The following IBTK variants were observed in gnomAD, a reference collection of about 807,000 sequenced individuals.
IBTK encodes the protein BTK-binding protein.
A neutral mutation model predicts 154.9 loss-of-function variants in IBTK; 83 were observed. The ratio of observed to expected loss-of-function variants is 0.54; its 90% CI spans 0.45 to 0.64. IBTK has a LOEUF of 0.64. Among genes scored for constraint, IBTK ranks in the 30% least tolerant of loss-of-function variants. IBTK has a pLI of 0.00. For missense variants in IBTK, 1,332 were observed against 1,584.6 expected, an observed-to-expected ratio of 0.84 and a Z score of 2.71; for synonymous variants, 515 against 536.1, an observed-to-expected ratio of 0.96 and a Z score of 0.54.
At chr6:82,204,634 C>A (rs6926938) in intron 17 of IBTK, among the ~76,000 whole-genome samples, 111,913 of 151,996 alleles carry the variant, frequency 0.74, 41,726 homozygotes, top group East Asian at 0.96. Flanking sequence ...CATTTCAATA[C>A]AAATATTACA....
chr6:82,204,758 TG>T, intron 17 of IBTK, 98 bp downstream of exon 17: 1 of 573,070 alleles, frequency 1.7e-6, no homozygotes, highest in Non-Finnish European at 2.8e-6. Context: ...ACCAAAAAAA[TG>T]GTCTATTTTA....
intron 16 of IBTK, among the ~76,000 whole-genome samples, chr6:82,206,300 G>C (rs1769410386): frequency 6.6e-6 from 1 of 152,136 alleles, no homozygotes; most frequent in Non-Finnish European, 1.5e-5. Flanking sequence ...CTGTCTGCTA[G>C]TTCTCTGAAA....
At chr6:82,195,157 G>A (rs1401993693) in intron 22 of IBTK, among the ~76,000 whole-genome samples, 1 of 152,116 alleles carries the variant, frequency 6.6e-6, no homozygotes, top group Non-Finnish European at 1.5e-5. Context: ...TTCCAGGATA[G>A]ATTCTTCTGT....
chr6:82,227,044 A>AT (rs1770324493), intron 5 of IBTK, 148 bp downstream of exon 5: 1 of 533,976 alleles, frequency 1.9e-6, no homozygotes, highest in African/African-American at 2.0e-5. Context: ...TAAACATGAT[A>AT]TATCAGGAAA....
At chr6:82,227,420 T>C (rs1485946662) in intron 4 of IBTK, 118 bp from the exon 5 acceptor site, 5 of 486,240 alleles carry the variant, frequency 1.0e-5, no homozygotes, top group African/African-American at 1.0e-4. Context: ...AAGGGGAATT[T>C]ATAAGACTTT....
Position 82,170,493 on chromosome 6 carries a change from C to G in IBTK, c.*932G>C, listed in dbSNP as rs1271799966. 1.3e-5 allele frequency: 2 copies of G among 152,162 alleles called. No homozygotes were observed. Among genetic ancestry groups the G allele is most frequent in the Non-Finnish European group, 2.9e-5 (2 of 68,020 alleles). 9.4% of individuals were successfully genotyped at this position (152,162 alleles called of 1,614,324 possible). A position where few individuals can be genotyped will look rare whatever the true frequency, so the allele number is the denominator to read the frequency against. On this transcript the variant is annotated 3_prime_UTR_variant, in exon 29 of 29. Coordinates refer to ENST00000306270, the MANE Select transcript of IBTK (RefSeq NM_015525.4). ...AAACACTCAGAAACAAACCAAACAA[C>G]ATCCTATACAGAAAACAATTTTTAT...
chr6:82,191,242 G>C, intron 24 of IBTK, 26 bp from the exon 25 acceptor site: 2 of 1,578,778 alleles, frequency 1.3e-6, no homozygotes, highest in Non-Finnish European at 1.7e-6. Context: ...ATTAGTTTCA[G>C]TGGTTTCTTC....
In IBTK at chr6:82,231,696, A is replaced by G. The variant is rs369041338; in HGVS notation, c.543+22T>C. On this transcript the variant is annotated intron_variant, in intron 4 of 28. Coordinates refer to ENST00000306270, the MANE Select transcript of IBTK (RefSeq NM_015525.4). ...AGTTCTTTCTCATCTCTAAAAGTAT[A>G]TAGATTGTACTTCAAAAATACCTGC... The G allele has an allele frequency of 2.9e-5, 45 of 1,570,998 alleles. No individual in the cohort carries two copies. The Middle Eastern group carries it at 8.5e-4, about 30-fold the overall frequency.
chr6:82,232,052 T>C (rs1770525984), intron 3 of IBTK, among the ~76,000 whole-genome samples: 1 of 125,968 alleles, frequency 7.9e-6, no homozygotes, highest in African/African-American at 3.1e-5. Flanking sequence ...CTTCTTTTTT[T>C]TTTGTTGTTG....
At chr6:82,214,185 A>G (rs373458601) in intron 12 of IBTK, 42 bp downstream of exon 12, 138 of 1,530,782 alleles carry the variant, frequency 9.0e-5, no homozygotes, top group Non-Finnish European at 1.2e-4. Flanking sequence ...TTAAAGGAGG[A>G]CTGAATGAGG....
intron 23 of IBTK, among the ~76,000 whole-genome samples, chr6:82,192,576 G>A (rs1424202057): frequency 1.3e-5 from 2 of 151,106 alleles, no homozygotes; most frequent in African/African-American, 2.4e-5. Context: ...GTGGAATCCC[G>A]TCACTACTAA....
chr6:82,246,967 A>G (rs898699018), intron 1 of IBTK, among the ~76,000 whole-genome samples: 7 of 152,196 alleles, frequency 4.6e-5, no homozygotes, highest in Non-Finnish European at 1.0e-4. Context: ...AGGACGGCCT[A>G]TGTTACCTAA....
At chr6:82,219,090 T>C (rs1769976519) in intron 9 of IBTK, among the ~76,000 whole-genome samples, 1 of 152,080 alleles carries the variant, frequency 6.6e-6, no homozygotes, top group Admixed American at 6.6e-5. Flanking sequence ...TTCCTTCCAC[T>C]AGTACAAACT....
In IBTK at chr6:82,194,641, G is replaced by A. The variant is rs191661846; in HGVS notation, c.3176C>T (p.Ala1059Val). 7.6e-5 allele frequency: 119 copies of A among 1,561,722 alleles called. No individual in the cohort carries two copies. Among genetic ancestry groups the A allele is most frequent in the Middle Eastern group, 3.4e-4 (2 of 5,824 alleles). Reference protein sequence around the residue: ...TTGFHSDKIEAKVKPYVNGTS... With the variant: ...TTGFHSDKIEVKVKPYVNGTS... Reference sequence around the variant, plus strand: ...ACCATTAACATACGGTTTGACTTTCGCCTGGGGAGAGAAAAAAAATAAAAA... The same window carrying A: ...ACCATTAACATACGGTTTGACTTTCACCTGGGGAGAGAAAAAAAATAAAAA... Residue 1059 changes from alanine to valine, a missense_variant and splice_region_variant, in exon 23 of 29, where the codon GCG becomes GTG. By Grantham distance (64) the Ala-to-Val change is moderately conservative (BLOSUM62 0). Transcript: ENST00000306270.
intron 25 of IBTK, among the ~76,000 whole-genome samples, chr6:82,185,139 C>A (rs531647215): frequency 6.9e-6 from 1 of 144,244 alleles, no homozygotes; most frequent in South Asian, 2.2e-4. Flanking sequence ...GCCAAGATTG[C>A]GCCACGGCAC....
intron 3 of IBTK, among the ~76,000 whole-genome samples, chr6:82,233,400 A>C (rs769056782): frequency 6.6e-6 from 1 of 152,132 alleles, no homozygotes; most frequent in Non-Finnish European, 1.5e-5. Context: ...AAAAATTTAC[A>C]TTCCTTTTTC....
intron 26 of IBTK, chr6:82,174,890 A>G (rs1016545535): frequency 3.1e-5 from 14 of 449,962 alleles, no homozygotes; most frequent in Non-Finnish European, 6.3e-5. Context: ...CCATGATCAC[A>G]CAGCTACCTT....
chr6:82,228,270 C>T (rs896974509), intron 4 of IBTK, among the ~76,000 whole-genome samples: 1 of 152,010 alleles, frequency 6.6e-6, no homozygotes, highest in Non-Finnish European at 1.5e-5. Flanking sequence ...AAGTCAAGGT[C>T]CTTTGGAAAA....
At chr6:82,188,382 A>G (rs1768632508) in intron 25 of IBTK, among the ~76,000 whole-genome samples, 2 of 152,168 alleles carry the variant, frequency 1.3e-5, no homozygotes, top group South Asian at 4.1e-4. Context: ...GTATTTAGTC[A>G]TGATTTATTC....
Sources: gnomAD v4.1 joint callset for allele counts (sites outside exome capture counted in the v4.1 genomes callset) on GRCh38, gnomAD v4.1.1 for gene constraint, MANE v1.5 for transcripts, NCBI Gene and HGNC (gene_info 2026-07-23, HGNC 2026-07-21) for gene names.